PID1: variants seen among roughly 807,000 people sequenced by gnomAD.
The protein encoded by PID1 is phosphotyrosine interaction domain containing 1.
A neutral mutation model predicts 19.1 loss-of-function variants in PID1; 10 were observed. That is an observed-to-expected ratio of 0.52 (90% confidence interval 0.32 to 0.89). The LOEUF (loss-of-function observed/expected upper bound fraction) is 0.89, where lower values mean the gene tolerates loss of function less well. Ranked by LOEUF, PID1 falls within the 40% of genes least tolerant of loss-of-function variation. The pLI is 0.03. For missense variants in PID1, 248 were observed against 285.3 expected, an observed-to-expected ratio of 0.87 and a Z score of 0.94; for synonymous variants, 130 against 116.0, an observed-to-expected ratio of 1.12 and a Z score of -0.78.
chr2:229,113,210 CATCCACTAT>C (rs1695334180), intron 2 of PID1, among the ~76,000 whole-genome samples: 2 of 151,980 alleles, frequency 1.3e-5, no homozygotes, highest in African/African-American at 4.8e-5. Flanking sequence ...GCGAACTCCT[CATCCACTAT>C]ATGAATTTGT....
intron 2 of PID1, among the ~76,000 whole-genome samples, chr2:229,079,847 T>C (rs1694635699): frequency 6.6e-6 from 1 of 152,178 alleles, no homozygotes; most frequent in East Asian, 1.9e-4. Context: ...AAAAAGAAGA[T>C]GTTTAAGCAG....
chr2:229,190,301 C>T (rs1163848814), intron 1 of PID1, among the ~76,000 whole-genome samples: 3 of 152,170 alleles, frequency 2.0e-5, no homozygotes, highest in African/African-American at 7.2e-5. Flanking sequence ...TATCAAAACA[C>T]TGGCAACTGT....
intron 1 of PID1, among the ~76,000 whole-genome samples, chr2:229,196,565 T>G (rs1009240850): frequency 4.2e-4 from 64 of 152,148 alleles, no homozygotes; most frequent in African/African-American, 1.5e-3. Flanking sequence ...GTTACAACAA[T>G]GCATGTAAAT....
intron 1 of PID1, among the ~76,000 whole-genome samples, chr2:229,241,468 C>T (rs1689867770): frequency 6.6e-6 from 1 of 152,064 alleles, no homozygotes; most frequent in Admixed American, 6.6e-5. Context: ...CCAGAAAAGC[C>T]TATAAAACAC....
At chr2:229,179,920 C>T (rs1256680883) in intron 1 of PID1, among the ~76,000 whole-genome samples, 2 of 152,214 alleles carry the variant, frequency 1.3e-5, no homozygotes, top group African/African-American at 4.8e-5. Flanking sequence ...CCCAGACTCA[C>T]CTTGTCCCTT....
intron 1 of PID1, among the ~76,000 whole-genome samples, chr2:229,264,835 T>G (rs1690550549): frequency 6.6e-6 from 1 of 152,158 alleles, no homozygotes; most frequent in Non-Finnish European, 1.5e-5. Context: ...TTCTCACCCT[T>G]CACCCACACC....
intron 1 of PID1, among the ~76,000 whole-genome samples, chr2:229,207,282 AC>A (rs1691629427): frequency 6.6e-6 from 1 of 151,806 alleles, no homozygotes; most frequent in Admixed American, 6.6e-5. Context: ...ATCTTATTCT[AC>A]CCTTCCATAA....
intron 1 of PID1, among the ~76,000 whole-genome samples, chr2:229,199,629 C>A (rs1404313994): frequency 1.3e-5 from 2 of 151,188 alleles, no homozygotes; most frequent in Admixed American, 1.3e-4. Context: ...TTTATGAAAT[C>A]TATAAACTAT....
chr2:229,051,381 C>T (rs959374644), intron 2 of PID1, among the ~76,000 whole-genome samples: 2 of 152,032 alleles, frequency 1.3e-5, no homozygotes, highest in Admixed American at 6.6e-5. Flanking sequence ...TCTGTTGCCC[C>T]GGCTGTAGTG....
At chr2:229,065,796 C>T (rs901284749) in intron 2 of PID1, among the ~76,000 whole-genome samples, 2 of 150,602 alleles carry the variant, frequency 1.3e-5, no homozygotes, top group African/African-American at 4.9e-5. Context: ...CTAACTGCAG[C>T]TACCATCTTG....
At chr2:229,030,789 A>T (rs1174783405) in intron 2 of PID1, among the ~76,000 whole-genome samples, 1 of 152,228 alleles carries the variant, frequency 6.6e-6, no homozygotes, top group Non-Finnish European at 1.5e-5. Context: ...TACCTATAAA[A>T]TAAAGATTTT....
In PID1 at chr2:229,228,529, A is replaced by G. The variant is rs73107039; in HGVS notation, c.30+42485T>C. Among the ~76,000 whole-genome samples, 884 of 152,360 alleles carry G rather than the reference A, an allele frequency of 5.8e-3. 11 individuals are homozygous for G. The highest frequency in any genetic ancestry group is 0.02 in the African/African-American group (823 of 41,590). On this transcript the variant is annotated intron_variant, in intron 1 of 2. Coordinates refer to ENST00000392055, the MANE Select transcript of PID1 (RefSeq NM_001100818.2). ...ATATAAATTTACATTTTTTAAAAGC[A>G]TGGTGAGAAATTATAGGTTGAATGG...
chr2:229,124,720 A>C (rs1317216985), intron 2 of PID1, among the ~76,000 whole-genome samples: 1 of 152,172 alleles, frequency 6.6e-6, no homozygotes, highest in African/African-American at 2.4e-5. Flanking sequence ...AACTCTATTC[A>C]ATTTATTTTT....
At chr2:229,119,165 T>G (rs1299236556) in intron 2 of PID1, among the ~76,000 whole-genome samples, 1 of 152,230 alleles carries the variant, frequency 6.6e-6, no homozygotes, top group African/African-American at 2.4e-5. Context: ...TAAAAATGTG[T>G]GCTCACACAA....
chr2:229,253,640 C>T (rs1258206034), intron 1 of PID1, among the ~76,000 whole-genome samples: 1 of 150,896 alleles, frequency 6.6e-6, no homozygotes, highest in African/African-American at 2.4e-5. Flanking sequence ...CCCAGTTAAG[C>T]ATGCACAGTT....
rs796479348 is a variant in PID1, at chr2:229,253,960, G to A, written c.30+17054C>T. 3.2e-4 allele frequency among the ~76,000 whole-genome samples: 49 copies of A among 152,312 alleles called. 1 individual carries two copies. The highest frequency in any genetic ancestry group is 1.1e-3 in the African/African-American group (47 of 41,566). On this transcript the variant is annotated intron_variant, in intron 1 of 2. Coordinates refer to ENST00000392055, the MANE Select transcript of PID1 (RefSeq NM_001100818.2). ...GAGGATACAGCTCAGAAAGGAGAGGGATAGAGCCACTACCAGGGTCTGGGC... is the reference window on the plus strand; with the variant it reads ...GAGGATACAGCTCAGAAAGGAGAGGAATAGAGCCACTACCAGGGTCTGGGC...
At chr2:229,123,775 T>A (rs1695570048) in intron 2 of PID1, among the ~76,000 whole-genome samples, 1 of 152,226 alleles carries the variant, frequency 6.6e-6, no homozygotes, top group South Asian at 2.1e-4. Context: ...AAGATGTTCA[T>A]CATCTTTTCA....
chr2:229,061,842 G>A (rs945682515), intron 2 of PID1, among the ~76,000 whole-genome samples: 8 of 151,600 alleles, frequency 5.3e-5, no homozygotes, highest in African/African-American at 9.7e-5. Flanking sequence ...ATTTACTTCC[G>A]TTTTCTTGAC....
In PID1 at chr2:229,082,245, C is replaced by A. The variant is rs556676578; in HGVS notation, c.178-56137G>T. Among the ~76,000 whole-genome samples, 5 of 152,296 alleles carry A rather than the reference C, an allele frequency of 3.3e-5. No homozygotes were observed. In the East Asian group the frequency reaches 9.7e-4, roughly 29 times the overall value. ...ATGCCAAAAAGAAGGTATAATGTTG[C>A]ATGGAGAAATGCACACCACCACCAG... On this transcript the variant is annotated intron_variant, in intron 2 of 2. Coordinates refer to ENST00000392055, the MANE Select transcript of PID1 (RefSeq NM_001100818.2).
Sources: allele counts gnomAD v4.1 joint callset (sites outside exome capture counted in the v4.1 genomes callset), GRCh38; gene constraint gnomAD v4.1.1; transcripts MANE v1.5; gene names NCBI Gene and HGNC (gene_info 2026-07-23, HGNC 2026-07-21).